ANXA8: variants seen among roughly 807,000 people sequenced by gnomAD.
The protein encoded by ANXA8 is VAC-beta.
A neutral mutation model predicts 26.8 loss-of-function variants in ANXA8; 9 were observed. The ratio of observed to expected loss-of-function variants is 0.34; its 90% CI spans 0.20 to 0.59. The LOEUF is 0.59. Among genes scored for constraint, ANXA8 ranks in the 20% least tolerant of loss-of-function variants. The probability of loss-of-function intolerance (pLI) is 0.84; values close to 1 mark genes in which losing one functional copy is unlikely to be tolerated. For synonymous variants in ANXA8, 39 were observed against 94.8 expected (o/e 0.41, Z 3.42); for missense variants, 83 against 238.5 (o/e 0.35, Z 4.29).
the ANXA8 span, among the ~76,000 whole-genome samples, chr10:47,661,686 G>A: frequency 7.9e-6 from 1 of 126,976 alleles, no homozygotes; most frequent in African/African-American, 3.6e-5. Flanking sequence ...CCAAAGTACT[G>A]GGATTACAGG....
the ANXA8 span, among the ~76,000 whole-genome samples, chr10:47,655,551 T>C: frequency 0.036 from 5,431 of 150,404 alleles, 95 homozygotes; most frequent in East Asian, 0.15. Context: ...AACCAGAAGG[T>C]GGCTGCTGGG....
the ANXA8 span, among the ~76,000 whole-genome samples, chr10:47,623,588 A>AT: frequency 6.3e-5 from 7 of 111,020 alleles, 3 homozygotes; most frequent in Non-Finnish European, 1.4e-4. Flanking sequence ...TTATAGTTTT[A>AT]TATTTTTCCT....
chr10:47,609,264 G>T, the ANXA8 span, among the ~76,000 whole-genome samples: 1 of 147,970 alleles, frequency 6.8e-6, no homozygotes, highest in Non-Finnish European at 1.5e-5. Context: ...ATGCCAAGGA[G>T]ATGTCATTTA....
chr10:47,662,761 TA>T, the ANXA8 span, among the ~76,000 whole-genome samples: 1 of 108,676 alleles, frequency 9.2e-6, no homozygotes, highest in Non-Finnish European at 1.9e-5. Flanking sequence ...TTTTTGTGAA[TA>T]AAAATTGATA....
At chr10:47,649,413 AT>A in the ANXA8 span, among the ~76,000 whole-genome samples, 1,907 of 148,326 alleles carry the variant, frequency 0.013, 1 homozygote, top group African/African-American at 0.045. Flanking sequence ...TTAAAATTAA[AT>A]TTTTTTTTTT....
At chr10:47,657,377 T>C in the ANXA8 span, among the ~76,000 whole-genome samples, 1 of 151,860 alleles carries the variant, frequency 6.6e-6, no homozygotes, top group East Asian at 1.9e-4. Flanking sequence ...TCATCTTTTA[T>C]TTTTAGCAGT....
the ANXA8 span, among the ~76,000 whole-genome samples, chr10:47,544,206 T>C: frequency 2.6e-5 from 4 of 151,500 alleles, no homozygotes; most frequent in Admixed American, 6.6e-5. Context: ...CATCTCATAA[T>C]TAATTTACTC....
the ANXA8 span, chr10:47,691,342 G>A: frequency 2.9e-6 from 2 of 683,676 alleles, no homozygotes; most frequent in South Asian, 1.9e-5. Context: ...TGCCTCTTCT[G>A]AGCTCAGCAT....
chr10:47,469,919 C>A (rs1487977648), intron 11 of ANXA8, among the ~76,000 whole-genome samples: 2 of 151,646 alleles, frequency 1.3e-5, no homozygotes, highest in East Asian at 3.9e-4. Flanking sequence ...CACTCTGTCA[C>A]CCAGGCTGGA....
the ANXA8 span, among the ~76,000 whole-genome samples, chr10:47,747,282 A>G: frequency 1.3e-5 from 2 of 152,094 alleles, no homozygotes; most frequent in African/African-American, 2.4e-5. Flanking sequence ...GGGCCAAGAT[A>G]TCATGTAGAA....
At chr10:47,551,763 T>A in the ANXA8 span, 1 of 340,950 alleles carries the variant, frequency 2.9e-6, no homozygotes, top group Non-Finnish European at 5.4e-6. Flanking sequence ...GATCGAGACA[T>A]CCACACAGCA....
At chr10:47,529,149 A>G in the ANXA8 span, among the ~76,000 whole-genome samples, 2 of 144,506 alleles carry the variant, frequency 1.4e-5, no homozygotes, top group African/African-American at 5.0e-5. Flanking sequence ...GTTTCAGCTT[A>G]AAGCAAGAAT....
At chr10:47,566,386 G>GA in the ANXA8 span, among the ~76,000 whole-genome samples, 394 of 130,182 alleles carry the variant, frequency 3.0e-3, 1 homozygote, top group Middle Eastern at 0.012. Context: ...AGAGAAAGTT[G>GA]AAAAAAAAAA....
At chr10:47,663,934 G>T in the ANXA8 span, among the ~76,000 whole-genome samples, 1 of 148,656 alleles carries the variant, frequency 6.7e-6, no homozygotes, top group Non-Finnish European at 1.5e-5. Flanking sequence ...ATTCCCTTAG[G>T]GATATATTAA....
At chr10:47,665,025 T>C in the ANXA8 span, among the ~76,000 whole-genome samples, 1 of 146,274 alleles carries the variant, frequency 6.8e-6, no homozygotes, top group Admixed American at 6.8e-5. Flanking sequence ...CCACACCCAG[T>C]TGAGAAATAC....
the ANXA8 span, among the ~76,000 whole-genome samples, chr10:47,683,299 G>GCTCA: frequency 6.8e-6 from 1 of 146,018 alleles, no homozygotes; most frequent in African/African-American, 2.6e-5. Context: ...CGCAATCTTG[G>GCTCA]CTCACTGCAA....
chr10:47,624,167 A>G, the ANXA8 span, among the ~76,000 whole-genome samples: 14 of 97,298 alleles, frequency 1.4e-4, 4 homozygotes, highest in African/African-American at 5.4e-4. Flanking sequence ...GCGTGAACCC[A>G]GGAGGCAGAG....
chr10:47,684,774 C>T, the ANXA8 span, among the ~76,000 whole-genome samples: 16 of 149,852 alleles, frequency 1.1e-4, no homozygotes, highest in South Asian at 4.2e-4. Context: ...TTAGTAGAGA[C>T]GGGGTTTTAC....
At chr10:47,628,364 GA>G in the ANXA8 span, among the ~76,000 whole-genome samples, 1 of 151,992 alleles carries the variant, frequency 6.6e-6, no homozygotes, top group East Asian at 1.9e-4. Context: ...TACAAGAGAA[GA>G]AAATTATATA....
Sources: allele counts gnomAD v4.1 joint callset (sites outside exome capture counted in the v4.1 genomes callset), GRCh38; gene constraint gnomAD v4.1.1; transcripts MANE v1.5; gene names NCBI Gene and HGNC (gene_info 2026-07-23, HGNC 2026-07-21).